Variants in PIP5K1B observed in about 807,000 individuals in gnomAD.
The protein encoded by PIP5K1B is phosphatidylinositol-4-phosphate 5-kinase type 1 beta.
Under a neutral mutation model 67.0 loss-of-function variants are expected in PIP5K1B, and 42 were observed. The observed-to-expected ratio is 0.63, with a 90% CI of 0.49 to 0.81. The LOEUF is 0.81. Ranked by LOEUF, PIP5K1B falls within the 30% of genes least tolerant of loss-of-function variation. The pLI, the probability that PIP5K1B is intolerant of heterozygous loss-of-function variation, is 0.00. For synonymous variants in PIP5K1B, 214 were observed against 231.4 expected, an observed-to-expected ratio of 0.92 and a Z score of 0.68; for missense variants, 459 against 646.3, an observed-to-expected ratio of 0.71 and a Z score of 3.14.
chr9:68,738,346 G>T (rs1199782310), intron 1 of PIP5K1B, among the ~76,000 whole-genome samples: 1 of 152,186 alleles, frequency 6.6e-6, no homozygotes, highest in Non-Finnish European at 1.5e-5. Context: ...ATTAAAAACA[G>T]TAACACTTGT....
chr9:68,812,329 A>G (rs566444231), intron 2 of PIP5K1B, among the ~76,000 whole-genome samples: 2 of 152,250 alleles, frequency 1.3e-5, no homozygotes, highest in Non-Finnish European at 2.9e-5. Flanking sequence ...GAGTGAAAAC[A>G]TAGAACTATA....
chr9:68,788,165 A>T, intron 2 of PIP5K1B: 1 of 265,516 alleles, frequency 3.8e-6, no homozygotes, highest in South Asian at 4.7e-5. Context: ...TCCCTTGATT[A>T]GTTCCACAGC....
chr9:68,878,131 C>T (rs1428355346), intron 6 of PIP5K1B, among the ~76,000 whole-genome samples: 1 of 151,810 alleles, frequency 6.6e-6, no homozygotes, highest in Non-Finnish European at 1.5e-5. Flanking sequence ...ATTTGAGAAA[C>T]CCAATGGGGT....
intron 6 of PIP5K1B, among the ~76,000 whole-genome samples, chr9:68,881,458 A>G (rs1020781971): frequency 2.0e-5 from 3 of 152,226 alleles, no homozygotes; most frequent in African/African-American, 4.8e-5. Flanking sequence ...ACTCAAACCC[A>G]CACTTGTAAG....
intron 4 of PIP5K1B, among the ~76,000 whole-genome samples, chr9:68,858,465 A>G (rs1283875666): frequency 1.3e-5 from 2 of 152,198 alleles, no homozygotes; most frequent in African/African-American, 2.4e-5. Flanking sequence ...AAATTTTCAC[A>G]TGTAGTTTTT....
At chr9:68,893,482 C>T (rs1267914638) in intron 7 of PIP5K1B, among the ~76,000 whole-genome samples, 4 of 151,684 alleles carry the variant, frequency 2.6e-5, no homozygotes, top group Non-Finnish European at 4.4e-5. Flanking sequence ...TACAGGCATG[C>T]GCCACCAGGC....
chr9:68,716,484 C>G (rs1203435317), intron 1 of PIP5K1B, among the ~76,000 whole-genome samples: 1 of 152,196 alleles, frequency 6.6e-6, no homozygotes, highest in Non-Finnish European at 1.5e-5. Context: ...TGAAAAAATG[C>G]TTATCATCAC....
intron 2 of PIP5K1B, among the ~76,000 whole-genome samples, chr9:68,786,550 G>T (rs961994384): frequency 7.3e-5 from 11 of 151,504 alleles, no homozygotes; most frequent in African/African-American, 2.2e-4. Context: ...TTTTACTAGT[G>T]CTGCTACTTC....
chr9:68,819,290 T>C (rs924925642), intron 3 of PIP5K1B, among the ~76,000 whole-genome samples: 1 of 152,188 alleles, frequency 6.6e-6, no homozygotes, highest in Non-Finnish European at 1.5e-5. Flanking sequence ...GTTTCTCTTT[T>C]TGAGACAGGC....
At position 68,979,478 on chromosome 9, in the gene PIP5K1B, G is replaced by C. The variant is rs987091475; in HGVS notation, c.1503-11662G>C. ...CTCATAGCGATATACGGTGAAAAAGGTCCCTGAACTTGGATGAGGGTTCCT... is the reference window on the plus strand; with the variant it reads ...CTCATAGCGATATACGGTGAAAAAGCTCCCTGAACTTGGATGAGGGTTCCT... On this transcript the variant is annotated intron_variant, in intron 14 of 15. Transcript: ENST00000265382. Among the ~76,000 whole-genome samples the C allele has an allele frequency of 5.6e-5, 6 of 107,056 alleles. No individual in the cohort carries two copies. In the Admixed American group the frequency reaches 5.8e-4, roughly 10 times the overall value. The allele number at this position is 107,056 out of a possible 152,430, so 70.2% of individuals were successfully genotyped here.
chr9:68,914,497 C>T (rs79496496), intron 8 of PIP5K1B, among the ~76,000 whole-genome samples: 71 of 152,170 alleles, frequency 4.7e-4, no homozygotes, highest in African/African-American at 1.6e-3. Context: ...GGGCAGATCA[C>T]GAGGTCGGGA....
chr9:68,872,027 C>T (rs1299144145), intron 5 of PIP5K1B, among the ~76,000 whole-genome samples: 1 of 152,106 alleles, frequency 6.6e-6, no homozygotes, highest in Admixed American at 6.6e-5. Flanking sequence ...ATGCTGAGCA[C>T]AGTTACTCAA....
At chr9:68,911,586 A>C (rs1825852520) in intron 8 of PIP5K1B, among the ~76,000 whole-genome samples, 1 of 151,816 alleles carries the variant, frequency 6.6e-6, no homozygotes, top group African/African-American at 2.4e-5. Flanking sequence ...TTAGGGTTAT[A>C]GCATGGCCAT....
intron 2 of PIP5K1B, among the ~76,000 whole-genome samples, chr9:68,757,570 T>C (rs1158285613): frequency 6.6e-6 from 1 of 152,212 alleles, no homozygotes; most frequent in Non-Finnish European, 1.5e-5. Context: ...CCTTTGGTTA[T>C]ACTCCTGCTC....
chr9:68,870,217 T>A (rs1823564290), intron 5 of PIP5K1B, among the ~76,000 whole-genome samples: 1 of 152,222 alleles, frequency 6.6e-6, no homozygotes, highest in South Asian at 2.1e-4. Context: ...TAACCGATGA[T>A]GTCACATGTT....
chr9:68,981,071 A>G (rs1047143893), intron 14 of PIP5K1B, among the ~76,000 whole-genome samples: 7 of 152,184 alleles, frequency 4.6e-5, no homozygotes, highest in African/African-American at 1.7e-4. Flanking sequence ...AAGAGGGAGC[A>G]ATTTTGTTAT....
At chr9:68,715,329 G>A (rs577016698) in intron 1 of PIP5K1B, among the ~76,000 whole-genome samples, 1 of 152,088 alleles carries the variant, frequency 6.6e-6, no homozygotes, top group Non-Finnish European at 1.5e-5. Flanking sequence ...TCATTGACAT[G>A]GTTCCAGAGC....
chr9:68,944,914 G>A (rs372644207), intron 14 of PIP5K1B, among the ~76,000 whole-genome samples: 4 of 152,182 alleles, frequency 2.6e-5, no homozygotes, highest in Non-Finnish European at 4.4e-5. Flanking sequence ...ATATCCGAGC[G>A]TGTTAGTAGG....
chr9:68,909,263 C>T (rs1357247786), intron 8 of PIP5K1B, among the ~76,000 whole-genome samples: 1 of 151,882 alleles, frequency 6.6e-6, no homozygotes, highest in Non-Finnish European at 1.5e-5. Context: ...CTATTTTTAA[C>T]TCATGGCCAA....
Sources: gnomAD v4.1 joint callset for allele counts (sites outside exome capture counted in the v4.1 genomes callset) on GRCh38, gnomAD v4.1.1 for gene constraint, MANE v1.5 for transcripts, NCBI Gene and HGNC (gene_info 2026-07-23, HGNC 2026-07-21) for gene names.